The following ADAMTS3 variants were observed in gnomAD, a reference collection of about 807,000 sequenced individuals.
ADAMTS3 encodes A disintegrin and metalloproteinase with thrombospondin motifs 3.
A neutral mutation model predicts 129.0 loss-of-function variants in ADAMTS3; 73 were observed. The observed-to-expected ratio is 0.57, with a 90% CI of 0.47 to 0.69. The LOEUF (loss-of-function observed/expected upper bound fraction) is 0.69, where lower values mean the gene tolerates loss of function less well. Among genes scored for constraint, ADAMTS3 ranks in the 30% least tolerant of loss-of-function variants. ADAMTS3 has a pLI of 0.00. For missense variants in ADAMTS3, 1,457 were observed against 1,514.5 expected (o/e 0.96, Z 0.63); for synonymous variants, 477 against 510.8 (o/e 0.93, Z 0.89).
At chr4:72,291,593 T>C (rs1167688737) in intron 19 of ADAMTS3, among the ~76,000 whole-genome samples, 1 of 151,896 alleles carries the variant, frequency 6.6e-6, no homozygotes, top group Non-Finnish European at 1.5e-5. Flanking sequence ...TCCTTTTTTA[T>C]GGCTGCATAG....
intron 4 of ADAMTS3, among the ~76,000 whole-genome samples, chr4:72,386,459 G>A (rs1176650693): frequency 6.6e-6 from 1 of 152,022 alleles, no homozygotes; most frequent in Non-Finnish European, 1.5e-5. Flanking sequence ...CAAGGAATCT[G>A]TGTTCCTTCT....
At chr4:72,397,007 A>T (rs1347092797) in intron 4 of ADAMTS3, among the ~76,000 whole-genome samples, 3 of 152,064 alleles carry the variant, frequency 2.0e-5, no homozygotes, top group Non-Finnish European at 4.4e-5. Flanking sequence ...CCTTTTTCAC[A>T]TTGGAGTTGA....
intron 4 of ADAMTS3, among the ~76,000 whole-genome samples, chr4:72,413,542 GC>G (rs1722231269): frequency 6.6e-6 from 1 of 151,866 alleles, no homozygotes; most frequent in African/African-American, 2.4e-5. Flanking sequence ...CAAACCTTCT[GC>G]AAAGATATTA....
At chr4:72,555,846 G>C (rs1721750537) in intron 2 of ADAMTS3, among the ~76,000 whole-genome samples, 1 of 151,450 alleles carries the variant, frequency 6.6e-6, no homozygotes, top group African/African-American at 2.4e-5. Context: ...TTGTTTAAAG[G>C]TGTGTAGTAC....
At chr4:72,404,859 C>A (rs1043754901) in intron 4 of ADAMTS3, among the ~76,000 whole-genome samples, 1 of 129,914 alleles carries the variant, frequency 7.7e-6, no homozygotes, top group Admixed American at 7.8e-5. Flanking sequence ...CACACACACA[C>A]AAAACACACA....
At chr4:72,286,607 T>C (rs1718511326) in intron 21 of ADAMTS3, among the ~76,000 whole-genome samples, 1 of 152,178 alleles carries the variant, frequency 6.6e-6, no homozygotes, top group Non-Finnish European at 1.5e-5. Context: ...TCAAACAATG[T>C]CTTACTTATG....
intron 20 of ADAMTS3, 101 bp from the exon 21 acceptor site, chr4:72,288,969 A>ACACACACACACAC: frequency 1.9e-6 from 1 of 524,836 alleles, no homozygotes; most frequent in Non-Finnish European, 3.2e-6. Flanking sequence ...CACACACACA[A>ACACACACACACAC]AGACACAGAG....
chr4:72,445,103 T>C (rs1401836193), intron 3 of ADAMTS3, among the ~76,000 whole-genome samples: 2 of 151,592 alleles, frequency 1.3e-5, no homozygotes, highest in Non-Finnish European at 1.5e-5. Context: ...TTTGAGATAA[T>C]GAAAATGCTT....
chr4:72,365,598 T>C (rs150845874), intron 4 of ADAMTS3, among the ~76,000 whole-genome samples: 1 of 152,178 alleles, frequency 6.6e-6, no homozygotes, highest in Non-Finnish European at 1.5e-5. Flanking sequence ...ATCATGAATA[T>C]CATAAATTGG....
chr4:72,484,635 C>A (rs1017992788), intron 3 of ADAMTS3, among the ~76,000 whole-genome samples: 2 of 152,112 alleles, frequency 1.3e-5, no homozygotes, highest in Admixed American at 1.3e-4. Context: ...CTACTCACAG[C>A]AAATCTGCAG....
intron 4 of ADAMTS3, among the ~76,000 whole-genome samples, chr4:72,399,679 T>C (rs72852033): frequency 0.056 from 7,339 of 132,144 alleles, 445 homozygotes; most frequent in African/African-American, 0.12. Flanking sequence ...TGTCAAGAAG[T>C]TATATATATG....
intron 4 of ADAMTS3, among the ~76,000 whole-genome samples, chr4:72,374,539 A>G (rs547482628): frequency 7.5e-4 from 115 of 152,334 alleles, no homozygotes; most frequent in African/African-American, 2.7e-3. Flanking sequence ...GTTGTCACTA[A>G]TTATTAACTA....
chr4:72,471,295 T>C (rs1374154674), intron 3 of ADAMTS3, among the ~76,000 whole-genome samples: 4 of 152,200 alleles, frequency 2.6e-5, no homozygotes, highest in African/African-American at 9.6e-5. Flanking sequence ...TCTGTAGTTA[T>C]AGTAACAAAT....
intron 16 of ADAMTS3, among the ~76,000 whole-genome samples, 181 bp downstream of exon 16, chr4:72,305,806 C>T (rs1578566811): frequency 6.6e-6 from 1 of 151,524 alleles, no homozygotes; most frequent in South Asian, 2.1e-4. Context: ...TACGCATGCA[C>T]ATCATGCACA....
chr4:72,443,492 T>C (rs1031771912), intron 3 of ADAMTS3, among the ~76,000 whole-genome samples: 2 of 151,732 alleles, frequency 1.3e-5, no homozygotes, highest in Non-Finnish European at 3.0e-5. Flanking sequence ...CTGTATCTTA[T>C]TCAGCACATT....
chr4:72,303,334 G>GCC (rs35022116), intron 17 of ADAMTS3, among the ~76,000 whole-genome samples: 2 of 151,742 alleles, frequency 1.3e-5, no homozygotes, highest in Admixed American at 6.6e-5. Context: ...TCTTTGATCA[G>GCC]CCCCCAAACC....
At chr4:72,533,673 A>ATATT (rs1164175826) in intron 3 of ADAMTS3, among the ~76,000 whole-genome samples, 2 of 151,368 alleles carry the variant, frequency 1.3e-5, no homozygotes, top group African/African-American at 2.4e-5. Context: ...GTATATGCAC[A>ATATT]TATATGCACA....
intron 4 of ADAMTS3, among the ~76,000 whole-genome samples, chr4:72,384,988 GA>G (rs1721406834): frequency 6.6e-6 from 1 of 152,046 alleles, no homozygotes; most frequent in African/African-American, 2.4e-5. Context: ...CTAACACCCT[GA>G]AACCCCGTCT....
In ADAMTS3 at chr4:72,483,548, A is replaced by G. The variant is rs113488048; in HGVS notation, c.504+64930T>C. Among the ~76,000 whole-genome samples, 1,326 of 152,286 alleles carry G rather than the reference A, an allele frequency of 8.7e-3. 9 individuals are homozygous for G. Among genetic ancestry groups the G allele is most frequent in the African/African-American group, 0.03 (1,259 of 41,556 alleles). Reference sequence around the variant, plus strand: ...GAAGTTCATTCTTCATTTGTCCCCAAGATAACCAGACAATACATTTGGTTT... The same window carrying G: ...GAAGTTCATTCTTCATTTGTCCCCAGGATAACCAGACAATACATTTGGTTT... On this transcript the variant is annotated intron_variant, in intron 3 of 21. Transcript: ENST00000286657.
Sources: allele counts gnomAD v4.1 joint callset (sites outside exome capture counted in the v4.1 genomes callset), GRCh38; gene constraint gnomAD v4.1.1; transcripts MANE v1.5; gene names NCBI Gene and HGNC (gene_info 2026-07-23, HGNC 2026-07-21).